Variants in AGBL4 observed in about 807,000 individuals in gnomAD.
AGBL4 encodes AGBL carboxypeptidase 4, also known as cytosolic carboxypeptidase 6.
Under a neutral mutation model 66.4 loss-of-function variants are expected in AGBL4, and 58 were observed. That is an observed-to-expected ratio of 0.87 (90% CI 0.71 to 1.09). The LOEUF is 1.09. Among genes scored for constraint, AGBL4 ranks in the 50% least tolerant of loss-of-function variants. The pLI is 0.00. For synonymous variants in AGBL4, 234 were observed against 222.9 expected, an observed-to-expected ratio of 1.05 and a Z score of -0.44; for missense variants, 579 against 631.0, an observed-to-expected ratio of 0.92 and a Z score of 0.88.
At chr1:48,868,078 C>A (rs1372215822) in intron 5 of AGBL4, among the ~76,000 whole-genome samples, 2 of 152,132 alleles carry the variant, frequency 1.3e-5, no homozygotes, top group African/African-American at 4.8e-5. Flanking sequence ...TCCTTAAGTC[C>A]CAGTCCTCCT....
chr1:49,847,009 A>G (rs923000715), intron 2 of AGBL4, among the ~76,000 whole-genome samples: 1 of 152,226 alleles, frequency 6.6e-6, no homozygotes, highest in African/African-American at 2.4e-5. Context: ...GAGATATCAA[A>G]TTATCTGGCA....
At chr1:49,313,268 C>T (rs982499779) in intron 3 of AGBL4, among the ~76,000 whole-genome samples, 1 of 152,128 alleles carries the variant, frequency 6.6e-6, no homozygotes, top group Non-Finnish European at 1.5e-5. Flanking sequence ...TTTAACCAGT[C>T]TATCATTGAT....
At chr1:48,805,364 G>A (rs1410785134) in intron 6 of AGBL4, among the ~76,000 whole-genome samples, 9 of 152,178 alleles carry the variant, frequency 5.9e-5, no homozygotes, top group Non-Finnish European at 1.0e-4. Flanking sequence ...AGAACAATGT[G>A]CTCTTGCTTG....
intron 3 of AGBL4, among the ~76,000 whole-genome samples, chr1:49,362,938 C>T (rs989070412): frequency 2.6e-5 from 4 of 152,114 alleles, no homozygotes; most frequent in African/African-American, 4.8e-5. Context: ...TTTGGACATA[C>T]TGAATTTGAG....
chr1:49,916,167 A>C (rs1041906549), intron 1 of AGBL4, among the ~76,000 whole-genome samples: 3 of 152,184 alleles, frequency 2.0e-5, no homozygotes, highest in African/African-American at 7.2e-5. Context: ...AATTCTAAAA[A>C]TCTGAGCGCC....
At chr1:49,679,940 T>C (rs1189236776) in intron 3 of AGBL4, among the ~76,000 whole-genome samples, 3 of 152,268 alleles carry the variant, frequency 2.0e-5, no homozygotes, top group East Asian at 1.9e-4. Flanking sequence ...GCTGTTCTAC[T>C]TGTTTCAACT....
chr1:49,730,699 G>GC (rs1649374935), intron 2 of AGBL4, among the ~76,000 whole-genome samples: 1 of 152,112 alleles, frequency 6.6e-6, no homozygotes, highest in South Asian at 2.1e-4. Flanking sequence ...CAGAGCCACA[G>GC]CAGGCTCAAG....
chr1:49,299,001 TACA>T (rs886612461), intron 3 of AGBL4, among the ~76,000 whole-genome samples: 9 of 152,146 alleles, frequency 5.9e-5, no homozygotes, highest in Non-Finnish European at 1.5e-5. Flanking sequence ...AAACAATGGA[TACA>T]ACAACAGTAA....
chr1:49,101,269 C>G, intron 4 of AGBL4, among the ~76,000 whole-genome samples: 1 of 151,982 alleles, frequency 6.6e-6, no homozygotes, highest in East Asian at 1.9e-4. Flanking sequence ...CTCACTGCAA[C>G]CTCCGCCTCC....
chr1:49,103,793 T>C (rs1042729197), intron 4 of AGBL4, among the ~76,000 whole-genome samples: 2 of 152,188 alleles, frequency 1.3e-5, no homozygotes, highest in African/African-American at 4.8e-5. Flanking sequence ...TAGAAAAACA[T>C]GTTCTGTTTG....
In AGBL4 at chr1:48,573,006, C is replaced by T. The variant is rs186217133; in HGVS notation, c.1267+13998G>A. On this transcript the variant is annotated intron_variant, in intron 11 of 13. Coordinates refer to ENST00000371839, the MANE Select transcript of AGBL4 (RefSeq NM_032785.4). ...GATGGAGCTAGGTTCTGATGCACAT[C>T]CCTACTAACACAGGCTGGGAATTAA... Among the ~76,000 whole-genome samples, 130 of 152,318 alleles carry T rather than the reference C, an allele frequency of 8.5e-4. 1 individual carries two copies. The highest frequency in any genetic ancestry group is 1.2e-3 in the Non-Finnish European group (84 of 68,032).
chr1:48,691,220 TTACCAAATGTATC>T (rs1365926464), intron 6 of AGBL4, among the ~76,000 whole-genome samples: 3 of 149,984 alleles, frequency 2.0e-5, no homozygotes, highest in African/African-American at 4.9e-5. Flanking sequence ...ATAGAAAATT[TTACCAAATGTATC>T]TAAAATATTT....
In AGBL4 at chr1:48,534,028, G is replaced by A. The variant is rs765946170; in HGVS notation, c.*145C>T. ...ATTGGAAAAAGGGAAAATCAGTGATGAAGTTTCTCATTGTATCCCTTCCCT... is the reference window on the plus strand; with the variant it reads ...ATTGGAAAAAGGGAAAATCAGTGATAAAGTTTCTCATTGTATCCCTTCCCT... On this transcript the variant is annotated 3_prime_UTR_variant, in exon 14 of 14. Transcript: ENST00000371839. 2.5e-5 allele frequency: 32 copies of A among 1,305,634 alleles called. No individual in the cohort carries two copies. Among genetic ancestry groups the A allele is most frequent in the Non-Finnish European group, 2.9e-5 (27 of 932,300 alleles). The allele number at this position is 1,305,634 out of a possible 1,614,324, so 80.9% of individuals were successfully genotyped here.
chr1:49,620,855 A>C (rs938940337), intron 3 of AGBL4, among the ~76,000 whole-genome samples: 16 of 152,156 alleles, frequency 1.1e-4, no homozygotes, highest in African/African-American at 3.6e-4. Flanking sequence ...TTATGTAACC[A>C]AATCAACCTT....
chr1:48,840,294 C>A (rs977498890), intron 6 of AGBL4, among the ~76,000 whole-genome samples: 1 of 152,046 alleles, frequency 6.6e-6, no homozygotes, highest in Non-Finnish European at 1.5e-5. Flanking sequence ...CTCTGTGTGC[C>A]CGGTGCCTGA....
At chr1:48,976,439 C>T (rs896784792) in intron 5 of AGBL4, among the ~76,000 whole-genome samples, 1 of 152,164 alleles carries the variant, frequency 6.6e-6, no homozygotes, top group African/African-American at 2.4e-5. Flanking sequence ...TATACTCCTT[C>T]CATAATGAAG....
rs540592642 is a variant in AGBL4 at position 49,530,725 on chromosome 1, A to G, written c.282+166588T>C. 3.3e-5 allele frequency among the ~76,000 whole-genome samples: 5 copies of G among 152,180 alleles called. No homozygotes were observed. In the East Asian group the frequency reaches 9.7e-4, roughly 29 times the overall value. On this transcript the variant is annotated intron_variant, in intron 3 of 13. Coordinates refer to ENST00000371839, the MANE Select transcript of AGBL4 (RefSeq NM_032785.4). ...ACTTAGGGATTTCAGGATTAAAACT[A>G]AGAAAGTCCAAGGAAAAGTGGGAAC...
chr1:49,006,686 G>C (rs552328616), intron 5 of AGBL4, among the ~76,000 whole-genome samples: 9 of 151,594 alleles, frequency 5.9e-5, no homozygotes, highest in East Asian at 2.0e-4. Flanking sequence ...ATCTGAGAAC[G>C]GGCAGACTGC....
At chr1:49,898,927 C>T (rs1194307617) in intron 1 of AGBL4, among the ~76,000 whole-genome samples, 1 of 152,144 alleles carries the variant, frequency 6.6e-6, no homozygotes, top group African/African-American at 2.4e-5. Flanking sequence ...TTATACCAAA[C>T]TGAACTCATG....
Sources: allele counts gnomAD v4.1 joint callset (sites outside exome capture counted in the v4.1 genomes callset), GRCh38; gene constraint gnomAD v4.1.1; transcripts MANE v1.5; gene names NCBI Gene and HGNC (gene_info 2026-07-23, HGNC 2026-07-21).